Variants in STXBP5L observed in about 807,000 individuals in gnomAD.
STXBP5L encodes the protein syntaxin-binding protein 5-like.
Under a neutral mutation model 144.5 loss-of-function variants are expected in STXBP5L, and 65 were observed. The ratio of observed to expected loss-of-function variants is 0.45; its 90% CI spans 0.37 to 0.55. STXBP5L has a LOEUF of 0.55. Ranked by LOEUF, STXBP5L falls within the 20% of genes least tolerant of loss-of-function variation. The pLI is 0.00. For missense variants in STXBP5L, 1,298 were observed against 1,405.5 expected (o/e 0.92, Z 1.22); for synonymous variants, 505 against 469.6 (o/e 1.08, Z -0.97).
intron 5 of STXBP5L, among the ~76,000 whole-genome samples, chr3:121,069,285 G>C (rs2041696590): frequency 6.6e-6 from 1 of 152,180 alleles, no homozygotes; most frequent in African/African-American, 2.4e-5. Context: ...TTTTTACAAA[G>C]CATAATTTCC....
chr3:121,418,240 A>G, intron 25 of STXBP5L, 97 bp from the exon 26 acceptor site: 1 of 1,310,086 alleles, frequency 7.6e-7, no homozygotes, highest in Non-Finnish European at 1.0e-6. Context: ...GAGAATTATG[A>G]CAGTAGAATG....
chr3:121,197,702 G>T (rs570085339), intron 9 of STXBP5L, among the ~76,000 whole-genome samples: 9 of 151,918 alleles, frequency 5.9e-5, no homozygotes, highest in African/African-American at 1.9e-4. Flanking sequence ...CCCCTCCCTG[G>T]GTCCATGTGT....
intron 3 of STXBP5L, among the ~76,000 whole-genome samples, chr3:121,003,106 T>A (rs1026224321): frequency 6.6e-6 from 1 of 152,188 alleles, no homozygotes; most frequent in Admixed American, 6.5e-5. Context: ...GTATTTCTAG[T>A]TCTAGATCCC....
At chr3:121,022,556 C>A (rs1945637037) in intron 3 of STXBP5L, among the ~76,000 whole-genome samples, 2 of 152,110 alleles carry the variant, frequency 1.3e-5, no homozygotes, top group South Asian at 2.1e-4. Flanking sequence ...AAAATATAAT[C>A]CACCATGATC....
At chr3:120,933,666 A>C (rs1710087311) in intron 2 of STXBP5L, among the ~76,000 whole-genome samples, 1 of 152,156 alleles carries the variant, frequency 6.6e-6, no homozygotes, top group South Asian at 2.1e-4. Flanking sequence ...CTGTCTAAAA[A>C]TTGTATTTAC....
chr3:120,988,223 G>A (rs2107934441), intron 3 of STXBP5L, among the ~76,000 whole-genome samples: 1 of 150,510 alleles, frequency 6.6e-6, no homozygotes, highest in Non-Finnish European at 1.5e-5. Flanking sequence ...CTGATTTGGT[G>A]CTCTGTCTTT....
At chr3:121,359,826 A>G (rs1269922651) in intron 20 of STXBP5L, among the ~76,000 whole-genome samples, 4 of 151,670 alleles carry the variant, frequency 2.6e-5, no homozygotes, top group African/African-American at 9.7e-5. Flanking sequence ...TTATGCCAGT[A>G]CCATGCTATT....
intron 7 of STXBP5L, among the ~76,000 whole-genome samples, chr3:121,125,670 C>A (rs1397814494): frequency 1.3e-5 from 2 of 152,102 alleles, no homozygotes; most frequent in Non-Finnish European, 2.9e-5. Flanking sequence ...CAAACAAATG[C>A]TCTCCCAAAC....
intron 19 of STXBP5L, among the ~76,000 whole-genome samples, chr3:121,314,466 G>T (rs866864637): frequency 2.1e-5 from 3 of 142,728 alleles, no homozygotes; most frequent in Non-Finnish European, 4.6e-5. Flanking sequence ...GTGGCGGCGC[G>T]CGCCTGCAAT....
intron 3 of STXBP5L, among the ~76,000 whole-genome samples, chr3:121,005,965 C>G (rs1188389133): frequency 2.0e-5 from 3 of 152,140 alleles, no homozygotes; most frequent in Non-Finnish European, 4.4e-5. Flanking sequence ...GAGTGCTTTA[C>G]TTCCAACTAT....
At chr3:121,169,452 G>A (rs1219337854) in intron 9 of STXBP5L, among the ~76,000 whole-genome samples, 2 of 152,110 alleles carry the variant, frequency 1.3e-5, no homozygotes, top group South Asian at 2.1e-4. Context: ...CCCATCTCAG[G>A]TGCTAAGATA....
chr3:121,002,436 A>G (rs1943861756), intron 3 of STXBP5L, among the ~76,000 whole-genome samples: 1 of 152,008 alleles, frequency 6.6e-6, no homozygotes, highest in Admixed American at 6.6e-5. Context: ...AGTTTCTTTT[A>G]TATATGCATA....
rs1711168020 is a variant in STXBP5L, at chr3:120,950,767, C to G, written c.190-4173C>G. 2.0e-5 allele frequency among the ~76,000 whole-genome samples: 3 copies of G among 152,128 alleles called. No homozygotes were observed. In the South Asian group the frequency reaches 6.2e-4, roughly 31 times the overall value. On this transcript the variant is annotated intron_variant, in intron 2 of 26. Transcript: ENST00000471454. ...TAGATTCAATGCCATCCCCATCAAG[C>G]TACCAATGATTTTCTTCACAGAATT...
chr3:121,212,359 A>C (rs1237951120), intron 10 of STXBP5L, among the ~76,000 whole-genome samples: 2 of 152,174 alleles, frequency 1.3e-5, no homozygotes. Context: ...CTTAAGTTTA[A>C]GTCTTTAATC....
At chr3:121,143,294 A>T (rs2045581576) in intron 7 of STXBP5L, among the ~76,000 whole-genome samples, 1 of 75,228 alleles carries the variant, frequency 1.3e-5, no homozygotes, top group South Asian at 2.9e-4. Context: ...TCCTTAAATT[A>T]AAAAAAAAAA....
chr3:121,246,749 A>G (rs1476732893), intron 14 of STXBP5L, among the ~76,000 whole-genome samples: 1 of 152,226 alleles, frequency 6.6e-6, no homozygotes, highest in Non-Finnish European at 1.5e-5. Flanking sequence ...CTATTTAGCA[A>G]CAAAAAGGAA....
rs1188509740 is a variant in STXBP5L, at chr3:121,420,263, C to A, written c.*1166C>A. On this transcript the variant is annotated 3_prime_UTR_variant, in exon 27 of 27. Transcript: ENST00000471454. ...AAATACCTTTCGGTTTGATACTTAC[C>A]ACTGGAAATTGGTTCGATACTTACC... 1 of 152,050 alleles carries A rather than the reference C, an allele frequency of 6.6e-6. No homozygotes were observed. The highest frequency in any genetic ancestry group is 1.5e-5 in the Non-Finnish European group (1 of 67,978). 9.4% of individuals were successfully genotyped at this position (152,050 alleles called of 1,614,324 possible).
chr3:120,958,326 G>C (rs1011656039), intron 3 of STXBP5L, among the ~76,000 whole-genome samples: 3 of 152,084 alleles, frequency 2.0e-5, no homozygotes, highest in African/African-American at 4.8e-5. Context: ...TTCTACCAGA[G>C]GTACAAGGAG....
chr3:121,273,656 T>C (rs1212110041), intron 18 of STXBP5L, among the ~76,000 whole-genome samples: 2 of 152,132 alleles, frequency 1.3e-5, no homozygotes, highest in Non-Finnish European at 2.9e-5. Flanking sequence ...CTCTTGATAG[T>C]GTTCAATAAG....
Sources: allele counts gnomAD v4.1 joint callset (sites outside exome capture counted in the v4.1 genomes callset), GRCh38; gene constraint gnomAD v4.1.1; transcripts MANE v1.5; gene names NCBI Gene and HGNC (gene_info 2026-07-23, HGNC 2026-07-21).